The following KIAA1217 variants were observed in gnomAD, a reference collection of about 807,000 sequenced individuals.
The protein encoded by KIAA1217 is KIAA1217.
KIAA1217 carries 88 observed loss-of-function variants against 163.9 expected under a neutral mutation model. That is an observed-to-expected ratio of 0.54 (90% confidence interval 0.45 to 0.64). The LOEUF (loss-of-function observed/expected upper bound fraction) is 0.64, where lower values mean the gene tolerates loss of function less well. Ranked by LOEUF, KIAA1217 falls within the 30% of genes least tolerant of loss-of-function variation. The pLI, the probability that KIAA1217 is intolerant of heterozygous loss-of-function variation, is 0.00. For synonymous variants in KIAA1217, 903 were observed against 923.1 expected (o/e 0.98, Z 0.39); for missense variants, 2,372 against 2,475.0 (o/e 0.96, Z 0.88).
At chr10:23,890,460 A>G (rs1841369734) in intron 1 of KIAA1217, among the ~76,000 whole-genome samples, 1 of 151,858 alleles carries the variant, frequency 6.6e-6, no homozygotes, top group South Asian at 2.1e-4. Flanking sequence ...AAAATTATTT[A>G]TTTTGAAAGG....
At chr10:23,998,459 C>T (rs1482456374) in intron 1 of KIAA1217, among the ~76,000 whole-genome samples, 3 of 152,214 alleles carry the variant, frequency 2.0e-5, no homozygotes, top group Non-Finnish European at 4.4e-5. Flanking sequence ...AATGCTAATT[C>T]AAATACATGG....
At position 23,770,500 on chromosome 10, in the gene KIAA1217, G is replaced by T. The variant is rs577262201; in HGVS notation, c.-321+75266G>T. Reference sequence around the variant, plus strand: ...CATTTGTGGTGGTGGAAGGGGAAAAGACAAGAGCTGGTGACACACAACTTC... The same window carrying T: ...CATTTGTGGTGGTGGAAGGGGAAAATACAAGAGCTGGTGACACACAACTTC... On this transcript the variant is annotated intron_variant, in intron 1 of 18. Coordinates refer to the KIAA1217 transcript ENST00000376462. 1.3e-3 allele frequency among the ~76,000 whole-genome samples: 200 copies of T among 152,296 alleles called. 4 individuals carry two copies. The highest frequency in any genetic ancestry group is 4.4e-3 in the African/African-American group (184 of 41,546).
At chr10:24,166,354 C>T (rs985110583) in intron 2 of KIAA1217, among the ~76,000 whole-genome samples, 2 of 152,006 alleles carry the variant, frequency 1.3e-5, no homozygotes, top group South Asian at 2.1e-4. Flanking sequence ...TGTTGATTAA[C>T]GGGTACAAAT....
At chr10:23,868,683 C>A (rs759098913) in intron 1 of KIAA1217, among the ~76,000 whole-genome samples, 16 of 152,110 alleles carry the variant, frequency 1.1e-4, no homozygotes, top group Non-Finnish European at 2.2e-4. Flanking sequence ...CTCTAGGACA[C>A]ATGGCAGGGC....
chr10:23,850,471 G>GAGAGGAT (rs1284065314), intron 1 of KIAA1217, among the ~76,000 whole-genome samples: 1 of 152,078 alleles, frequency 6.6e-6, no homozygotes, highest in Non-Finnish European at 1.5e-5. Flanking sequence ...TGCAAACAGG[G>GAGAGGAT]AGAGGATGAT....
chr10:24,402,531 A>AC (rs879879739), intron 3 of KIAA1217, among the ~76,000 whole-genome samples: 32,879 of 148,982 alleles, frequency 0.22, 4,391 homozygotes, highest in East Asian at 0.31. Flanking sequence ...AACAAAACAA[A>AC]AAAAAAAAAA....
chr10:24,495,004 A>T, intron 7 of KIAA1217, 143 bp from the exon 8 acceptor site: 1 of 681,664 alleles, frequency 1.5e-6, no homozygotes, highest in East Asian at 2.7e-5. Context: ...ATCCTGGCCA[A>T]TTGTGATGCT....
intron 2 of KIAA1217, among the ~76,000 whole-genome samples, chr10:24,156,589 A>G (rs1589707751): frequency 6.6e-6 from 1 of 152,158 alleles, no homozygotes; most frequent in Non-Finnish European, 1.5e-5. Flanking sequence ...ACTTTTATAC[A>G]TAAACTAACC....
intron 1 of KIAA1217, among the ~76,000 whole-genome samples, chr10:23,941,544 G>A (rs1042041429): frequency 6.6e-6 from 1 of 152,078 alleles, no homozygotes; most frequent in East Asian, 1.9e-4. Context: ...AAATATGTTT[G>A]CATTCATACT....
chr10:24,451,471 C>T (rs970565362), intron 5 of KIAA1217, among the ~76,000 whole-genome samples: 1 of 152,230 alleles, frequency 6.6e-6, no homozygotes, highest in African/African-American at 2.4e-5. Flanking sequence ...AACACAGCAG[C>T]AAAAATATCC....
intron 2 of KIAA1217, among the ~76,000 whole-genome samples, chr10:24,105,565 A>G (rs1379405182): frequency 6.6e-6 from 1 of 152,148 alleles, no homozygotes; most frequent in Non-Finnish European, 1.5e-5. Context: ...TAGAACTGAG[A>G]TTCTTTTTAT....
intron 1 of KIAA1217, among the ~76,000 whole-genome samples, chr10:23,785,347 C>G (rs751594786): frequency 4.6e-5 from 7 of 152,102 alleles, no homozygotes; most frequent in Non-Finnish European, 1.0e-4. Context: ...GTTCCCTCAC[C>G]TGCAGAATCA....
rs578211980 is a variant in KIAA1217 at position 24,449,301 on chromosome 10, G to A, written c.846+10822G>A. ...ACAAATCTCATCTTTCCTGCTGCGT[G>A]GCTGCTTGCTTTTCCTTGTACTATT... On this transcript the variant is annotated intron_variant, in intron 5 of 20. Transcript: ENST00000376454. 2.9e-5 allele frequency: 6 copies of A among 205,294 alleles called. No individual in the cohort carries two copies. The East Asian group carries it at 1.1e-3, about 38-fold the overall frequency. 12.7% of individuals were successfully genotyped at this position (205,294 alleles called of 1,614,324 possible).
At chr10:24,026,256 CT>C (rs1847934186) in intron 2 of KIAA1217, among the ~76,000 whole-genome samples, 2 of 151,734 alleles carry the variant, frequency 1.3e-5, no homozygotes, top group South Asian at 4.1e-4. Flanking sequence ...ATTTTCTGGT[CT>C]TGATATCATG....
At chr10:24,375,203 GT>G (rs1293315629) in intron 2 of KIAA1217, among the ~76,000 whole-genome samples, 1 of 152,178 alleles carries the variant, frequency 6.6e-6, no homozygotes, top group Non-Finnish European at 1.5e-5. Context: ...CCAGGGATGG[GT>G]TTATGTAAGG....
intron 13 of KIAA1217, among the ~76,000 whole-genome samples, chr10:24,526,114 T>C (rs2072114994): frequency 6.6e-6 from 1 of 152,230 alleles, no homozygotes. Context: ...TCGTAACTTT[T>C]CCTCCACTCA....
At chr10:24,436,513 C>A (rs1725392520) in intron 4 of KIAA1217, among the ~76,000 whole-genome samples, 1 of 150,516 alleles carries the variant, frequency 6.6e-6, no homozygotes, top group South Asian at 2.1e-4. Flanking sequence ...AATCCCAGCA[C>A]TTTGGGAGGC....
intron 2 of KIAA1217, among the ~76,000 whole-genome samples, chr10:24,055,249 A>C (rs1004832588): frequency 6.6e-6 from 1 of 152,228 alleles, no homozygotes; most frequent in Non-Finnish European, 1.5e-5. Context: ...CCTGGGCAAC[A>C]GAGTGAGACC....
chr10:24,291,261 G>A (rs1005040775), intron 2 of KIAA1217, among the ~76,000 whole-genome samples: 9 of 152,144 alleles, frequency 5.9e-5, no homozygotes, highest in Admixed American at 6.5e-5. Flanking sequence ...GGGCATGGTG[G>A]CTCACGCCTG....
Sources: allele counts gnomAD v4.1 joint callset (sites outside exome capture counted in the v4.1 genomes callset), GRCh38; gene constraint gnomAD v4.1.1; transcripts MANE v1.5; gene names NCBI Gene and HGNC (gene_info 2026-07-23, HGNC 2026-07-21).